Variants in PPM1H observed in about 807,000 individuals in gnomAD.
PPM1H encodes the protein protein phosphatase, Mg2+/Mn2+ dependent 1H, also known as protein phosphatase 1H.
A neutral mutation model predicts 54.9 loss-of-function variants in PPM1H; 27 were observed. The ratio of observed to expected loss-of-function variants is 0.49; its 90% CI spans 0.36 to 0.68. PPM1H has a LOEUF of 0.68. Ranked by LOEUF, PPM1H falls within the 30% of genes least tolerant of loss-of-function variation. The pLI is 0.00. For synonymous variants in PPM1H, 305 were observed against 270.8 expected (o/e 1.13, Z -1.24); for missense variants, 596 against 667.8 (o/e 0.89, Z 1.19).
intron 4 of PPM1H, among the ~76,000 whole-genome samples, chr12:62,761,474 C>T (rs906558732): frequency 1.3e-5 from 2 of 152,082 alleles, no homozygotes; most frequent in African/African-American, 4.8e-5. Flanking sequence ...ATATTTTCTA[C>T]AAGAAACATG....
chr12:62,849,115 C>T (rs528008504), intron 1 of PPM1H, among the ~76,000 whole-genome samples: 18 of 152,222 alleles, frequency 1.2e-4, no homozygotes, highest in Non-Finnish European at 2.4e-4. Flanking sequence ...ACACAGGAAG[C>T]TTGTTTCCCA....
At chr12:62,832,407 C>T (rs572597640) in intron 1 of PPM1H, 128 bp from the exon 2 acceptor site, 14 of 829,072 alleles carry the variant, frequency 1.7e-5, no homozygotes, top group African/African-American at 1.2e-4. Context: ...ATGCTAAGAA[C>T]ATTATGGTCT....
intron 1 of PPM1H, among the ~76,000 whole-genome samples, chr12:62,838,334 TGTGTG>T (rs1339437573): frequency 1.1e-5 from 1 of 94,394 alleles, no homozygotes; most frequent in Non-Finnish European, 2.0e-5. Context: ...AGTGTGTGTG[TGTGTG>T]GGGGGGGGGA....
intron 1 of PPM1H, among the ~76,000 whole-genome samples, chr12:62,884,976 G>C (rs572197842): frequency 6.6e-6 from 1 of 152,302 alleles, no homozygotes; most frequent in Non-Finnish European, 1.5e-5. Flanking sequence ...GGAAGAAAAA[G>C]AGGTTTAATT....
At chr12:62,816,033 T>C (rs1167093169) in intron 2 of PPM1H, among the ~76,000 whole-genome samples, 2 of 152,194 alleles carry the variant, frequency 1.3e-5, no homozygotes, top group Non-Finnish European at 2.9e-5. Flanking sequence ...GAAATCATAA[T>C]GGAAATGAGA....
intron 5 of PPM1H, among the ~76,000 whole-genome samples, chr12:62,734,748 G>T (rs181943349): frequency 2.1e-3 from 313 of 152,274 alleles, no homozygotes; most frequent in Non-Finnish European, 3.1e-3. Flanking sequence ...TTTCAATAAA[G>T]AGCAGGAGGT....
intron 1 of PPM1H, among the ~76,000 whole-genome samples, chr12:62,906,957 T>C (rs1871319821): frequency 6.6e-6 from 1 of 152,188 alleles, no homozygotes. Flanking sequence ...AATACAATGG[T>C]GAAGTTTCAG....
At chr12:62,725,464 C>A (rs2076284936) in intron 5 of PPM1H, among the ~76,000 whole-genome samples, 2 of 152,194 alleles carry the variant, frequency 1.3e-5, no homozygotes, top group African/African-American at 4.8e-5. Context: ...AGAATCTGAA[C>A]AAACAGCCTT....
At chr12:62,865,533 T>A (rs1322866079) in intron 1 of PPM1H, among the ~76,000 whole-genome samples, 5 of 152,170 alleles carry the variant, frequency 3.3e-5, no homozygotes, top group African/African-American at 1.2e-4. Context: ...TGGCCCTTTG[T>A]CATTTTTTTA....
At chr12:62,714,209 C>A (rs565805139) in intron 6 of PPM1H, among the ~76,000 whole-genome samples, 6 of 152,030 alleles carry the variant, frequency 3.9e-5, no homozygotes. Flanking sequence ...TAGGGCAACT[C>A]GGGAAATAAA....
intron 1 of PPM1H, among the ~76,000 whole-genome samples, chr12:62,859,179 T>C (rs1484862290): frequency 6.6e-6 from 1 of 152,208 alleles, no homozygotes; most frequent in Non-Finnish European, 1.5e-5. Flanking sequence ...TTAAGGTGGC[T>C]GTATTAGGAA....
intron 1 of PPM1H, among the ~76,000 whole-genome samples, chr12:62,861,220 T>C (rs1370111207): frequency 1.3e-5 from 2 of 152,238 alleles, no homozygotes; most frequent in African/African-American, 2.4e-5. Flanking sequence ...GGAGCTACCA[T>C]AACCACCTTC....
At chr12:62,662,988 A>T (rs1282881055) in intron 9 of PPM1H, among the ~76,000 whole-genome samples, 1 of 152,136 alleles carries the variant, frequency 6.6e-6, no homozygotes, top group African/African-American at 2.4e-5. Flanking sequence ...TAATGTATGT[A>T]TTCCTCTATG....
chr12:62,673,502 C>T (rs994963453), intron 8 of PPM1H, among the ~76,000 whole-genome samples: 3 of 152,012 alleles, frequency 2.0e-5, no homozygotes, highest in South Asian at 2.1e-4. Flanking sequence ...AAATCTCTGC[C>T]GCTTCTCTAG....
At chr12:62,730,584 A>G (rs577986372) in intron 5 of PPM1H, among the ~76,000 whole-genome samples, 1 of 152,378 alleles carries the variant, frequency 6.6e-6, no homozygotes, top group Non-Finnish European at 1.5e-5. Context: ...TTAATTTTTT[A>G]AATGTTCAGA....
At chr12:62,767,968 A>C (rs2076554125) in intron 4 of PPM1H, among the ~76,000 whole-genome samples, 1 of 152,034 alleles carries the variant, frequency 6.6e-6, no homozygotes, top group Non-Finnish European at 1.5e-5. Flanking sequence ...GGTCTGCCCT[A>C]CTCCAGTTTG....
intron 2 of PPM1H, among the ~76,000 whole-genome samples, chr12:62,809,648 G>A (rs971259880): frequency 3.9e-5 from 6 of 152,284 alleles, no homozygotes; most frequent in Middle Eastern, 3.4e-3. Flanking sequence ...TGAAACCTGC[G>A]ATTTCACTGC....
intron 4 of PPM1H, among the ~76,000 whole-genome samples, chr12:62,748,529 AACAC>A (rs3052402): frequency 0.021 from 3,094 of 146,952 alleles, 43 homozygotes; most frequent in African/African-American, 0.037. Flanking sequence ...TTCAGTGTAG[AACAC>A]ACACACACAC....
At chr12:62,817,116 T>TAAAAAAAAAAAAAAAAAAAAAAAAAAAAA (rs1189819660) in intron 2 of PPM1H, among the ~76,000 whole-genome samples, 7 of 41,784 alleles carry the variant, frequency 1.7e-4, no homozygotes, top group Non-Finnish European at 1.8e-4. Context: ...ACTGCATTAC[T>TAAAAAAAAAAAAAAAAAAAAAAAAAAAAA]AAAAAAAAAA....
Sources: gnomAD v4.1 joint callset for allele counts (sites outside exome capture counted in the v4.1 genomes callset) on GRCh38, gnomAD v4.1.1 for gene constraint, MANE v1.5 for transcripts, NCBI Gene and HGNC (gene_info 2026-07-23, HGNC 2026-07-21) for gene names.